BCL2L14: variants seen among roughly 807,000 people sequenced by gnomAD.
The protein encoded by BCL2L14 is apoptosis facilitator Bcl-2-like protein 14.
A neutral mutation model predicts 35.3 loss-of-function variants in BCL2L14; 27 were observed. The observed-to-expected ratio is 0.76, with a 90% CI of 0.56 to 1.05. The LOEUF is 1.05. BCL2L14 is among the 50% of genes least tolerant of loss of function. BCL2L14 has a pLI of 0.00. For missense variants in BCL2L14, 377 were observed against 382.6 expected (o/e 0.99, Z 0.12); for synonymous variants, 139 against 145.9 (o/e 0.95, Z 0.34).
At chr12:12,090,916 T>A in intron 4 of BCL2L14, 67 bp downstream of exon 4, 7 of 1,291,146 alleles carry the variant, frequency 5.4e-6, no homozygotes, top group Non-Finnish European at 5.4e-6. Context: ...AGAATGGAAT[T>A]GTATTCCAGG....
At chr12:12,078,343 C>T (rs1948826767) in intron 1 of BCL2L14, among the ~76,000 whole-genome samples, 1 of 152,112 alleles carries the variant, frequency 6.6e-6, no homozygotes, top group African/African-American at 2.4e-5. Flanking sequence ...GGGTCAGGTC[C>T]CAGGCATTTC....
Position 12,094,987 on chromosome 12 carries a change from A to AT in BCL2L14, c.945+73dup, listed in dbSNP as rs71435888. The AT allele has an allele frequency of 4.3e-3, 6,276 of 1,464,394 alleles. 2 individuals carry two copies. The highest frequency in any genetic ancestry group is 4.4e-3 in the Non-Finnish European group (4,931 of 1,113,766). The allele number at this position is 1,464,394 out of a possible 1,614,324, so 90.7% of individuals were successfully genotyped here. ...TCAGAACTCAGAAGAGATGGGATGGATTTTTTTTTTTTTTTTAAATGAAGG... is the reference window on the plus strand; with the variant it reads ...TCAGAACTCAGAAGAGATGGGATGGATTTTTTTTTTTTTTTTTAAATGAAGG... On this transcript the variant is annotated intron_variant, in intron 5 of 5. Transcript: ENST00000308721.
intron 1 of BCL2L14, among the ~76,000 whole-genome samples, chr12:12,078,799 G>GGTTTT (rs1555090679): frequency 3.3e-5 from 5 of 152,102 alleles, no homozygotes; most frequent in African/African-American, 7.3e-5. Flanking sequence ...TTCTCTCTCT[G>GGTTTT]TTGTTTTTTG....
At chr12:12,068,071 G>A, upstream of BCL2L14, 1 of 396,734 alleles carries the variant, frequency 2.5e-6, no homozygotes, top group Admixed American at 4.4e-5. Context: ...AGTCTCCTGA[G>A]TAGCTGAGAC....
intron 1 of BCL2L14, chr12:12,051,761 G>A (rs576423629): frequency 6.6e-6 from 1 of 152,296 alleles, no homozygotes; most frequent in African/African-American, 2.4e-5. Context: ...TGCCAAGTGG[G>A]ACCCTAAAGC....
intron 1 of BCL2L14, among the ~76,000 whole-genome samples, chr12:12,078,638 C>G (rs1008159841): frequency 2.0e-5 from 3 of 152,144 alleles, no homozygotes; most frequent in Non-Finnish European, 2.9e-5. Flanking sequence ...TCTGCCCGCC[C>G]TGTTGTAGCC....
intron 3 of BCL2L14, 140 bp from the exon 4 acceptor site, chr12:12,090,639 T>TAAAA: frequency 1.8e-6 from 1 of 544,320 alleles, no homozygotes; most frequent in Non-Finnish European, 3.0e-6. Flanking sequence ...GTCTAAAAAA[T>TAAAA]AAAAAATAAA....
At chr12:12,094,024 T>C (rs1052252714) in intron 4 of BCL2L14, among the ~76,000 whole-genome samples, 2 of 151,212 alleles carry the variant, frequency 1.3e-5, no homozygotes, top group Non-Finnish European at 2.9e-5. Flanking sequence ...AGAGAATCAC[T>C]TGAGCCCAGG....
intron 2 of BCL2L14, among the ~76,000 whole-genome samples, chr12:12,081,037 A>G (rs985256722): frequency 6.6e-6 from 1 of 152,058 alleles, no homozygotes; most frequent in African/African-American, 2.4e-5. Flanking sequence ...ATACAAAAAA[A>G]TTAGTCAGAC....
rs533849551 is a variant in BCL2L14, at chr12:12,059,494, C to T, written c.-272+7647C>T. ...ACCCCAACCTCATATCTCTGCTCCC[C>T]GATCCCTTATTTCCATGCCCCAACC... is the stretch of plus-strand genomic sequence containing the variant. On this transcript the variant is annotated intron_variant, in intron 2 of 3. Coordinates refer to the BCL2L14 transcript ENST00000461264. Among the ~76,000 whole-genome samples the T allele has an allele frequency of 4.6e-5, 7 of 152,050 alleles. No individual in the cohort carries two copies. The East Asian group carries it at 5.8e-4, about 13-fold the overall frequency.
chr12:12,075,967 C>T (rs1410257839), intron 1 of BCL2L14, among the ~76,000 whole-genome samples: 1 of 151,668 alleles, frequency 6.6e-6, no homozygotes, highest in East Asian at 1.9e-4. Context: ...TCAGGAGACA[C>T]ATAATGGTTG....
intron 1 of BCL2L14, among the ~76,000 whole-genome samples, chr12:12,050,808 A>G (rs1029030049): frequency 6.4e-5 from 6 of 93,218 alleles, no homozygotes; most frequent in African/African-American, 1.3e-4. Flanking sequence ...AAAAAAAAAA[A>G]AAAAAGAAAA....
upstream of BCL2L14, among the ~76,000 whole-genome samples, chr12:12,066,627 G>C (rs1384357118): frequency 6.6e-6 from 1 of 152,026 alleles, no homozygotes; most frequent in African/African-American, 2.4e-5. Context: ...GGAAACAATA[G>C]AAAATGTGAG....
upstream of BCL2L14, among the ~76,000 whole-genome samples, chr12:12,068,684 TG>T (rs986624389): frequency 1.3e-4 from 20 of 149,560 alleles, no homozygotes; most frequent in African/African-American, 4.7e-4. Context: ...AATTAAGAGA[TG>T]GGGTCTTACT....
chr12:12,082,289 G>A (rs2136754688), intron 2 of BCL2L14, among the ~76,000 whole-genome samples: 1 of 152,344 alleles, frequency 6.6e-6, no homozygotes, highest in Non-Finnish European at 1.5e-5. Flanking sequence ...TCTAGGGCAA[G>A]AGGGAGCGGC....
At chr12:12,062,221 G>A (rs1948536524) in intron 2 of BCL2L14, among the ~76,000 whole-genome samples, 1 of 150,690 alleles carries the variant, frequency 6.6e-6, no homozygotes, top group African/African-American at 2.5e-5. Flanking sequence ...CATTGTTCCT[G>A]GCCCGGACTT....
chr12:12,060,187 G>C (rs12422703), intron 2 of BCL2L14, among the ~76,000 whole-genome samples: 1 of 150,332 alleles, frequency 6.7e-6, no homozygotes, highest in Non-Finnish European at 1.5e-5. Context: ...TTACAGTTTC[G>C]TTCCATGACT....
intron 2 of BCL2L14, among the ~76,000 whole-genome samples, chr12:12,060,512 C>T (rs1442938162): frequency 2.8e-5 from 3 of 105,858 alleles, no homozygotes; most frequent in Non-Finnish European, 6.0e-5. Flanking sequence ...ATTAACCTCG[C>T]CTTCAAGGTG....
intron 1 of BCL2L14, among the ~76,000 whole-genome samples, chr12:12,051,372 T>C (rs80122538): frequency 4.0e-4 from 61 of 152,350 alleles, no homozygotes; most frequent in African/African-American, 1.4e-3. Flanking sequence ...CCGAGGTTTC[T>C]AGTGATGTTG....
Sources: gnomAD v4.1 joint callset for allele counts (sites outside exome capture counted in the v4.1 genomes callset) on GRCh38, gnomAD v4.1.1 for gene constraint, MANE v1.5 for transcripts, NCBI Gene and HGNC (gene_info 2026-07-23, HGNC 2026-07-21) for gene names.